The following PDLIM1 variants were observed in gnomAD, a reference collection of about 807,000 sequenced individuals.
PDLIM1 encodes PDZ and LIM domain 1, also known as PDZ and LIM domain protein 1.
Under a neutral mutation model 35.2 loss-of-function variants are expected in PDLIM1, and 25 were observed. The ratio of observed to expected loss-of-function variants is 0.71; its 90% CI spans 0.52 to 0.99. PDLIM1 has a LOEUF of 0.99. PDLIM1 is among the 50% of genes least tolerant of loss of function. The pLI, the probability that PDLIM1 is intolerant of heterozygous loss-of-function variation, is 0.00. For missense variants in PDLIM1, 363 were observed against 415.3 expected (o/e 0.87, Z 1.09); for synonymous variants, 152 against 154.0 (o/e 0.99, Z 0.10).
intron 5 of PDLIM1, among the ~76,000 whole-genome samples, chr10:95,242,451 C>A (rs2035186737): frequency 6.6e-6 from 1 of 151,978 alleles, no homozygotes; most frequent in Non-Finnish European, 1.5e-5. Flanking sequence ...CTTTGGAAGA[C>A]CAAGGCGGGC....
At chr10:95,270,782 G>C (rs750934329) in intron 2 of PDLIM1, among the ~76,000 whole-genome samples, 3 of 151,632 alleles carry the variant, frequency 2.0e-5, no homozygotes, top group Non-Finnish European at 4.4e-5. Context: ...ATGGAGTTTC[G>C]CTCTGTCGCC....
At chr10:95,276,355 G>C (rs2035511538) in intron 1 of PDLIM1, among the ~76,000 whole-genome samples, 1 of 151,900 alleles carries the variant, frequency 6.6e-6, no homozygotes, top group Non-Finnish European at 1.5e-5. Context: ...ATAGGACCTG[G>C]AGTGTCACAA....
In PDLIM1 at chr10:95,263,881, CA is replaced by C. The variant is rs777243197; in HGVS notation, c.515del (p.Val172GlyfsTer8). 14 of 1,612,964 alleles carry C rather than the reference CA, an allele frequency of 8.7e-6. No individual in the cohort carries two copies. The highest frequency in any genetic ancestry group is 1.1e-5 in the Non-Finnish European group (13 of 1,179,464). ...ALESKTAASG[V>X]EANSRPLDHA... ...CTACTTACGGTCTGCTGTTCGCCTC[CA>C]CCCCGCTGGCAGCAGTCTTTGACTC... is the stretch of plus-strand genomic sequence containing the variant. On this transcript the variant is annotated frameshift_variant, in exon 4 of 7. Transcript: ENST00000329399. LOFTEE classifies it high-confidence loss of function.
intron 1 of PDLIM1, among the ~76,000 whole-genome samples, chr10:95,284,939 C>T (rs1020985873): frequency 1.3e-5 from 2 of 152,218 alleles, no homozygotes; most frequent in Admixed American, 1.3e-4. Context: ...AATAATCACA[C>T]AGGGTGCTAA....
At chr10:95,247,426 A>G in intron 4 of PDLIM1, 60 bp from the exon 5 acceptor site, 1 of 1,382,004 alleles carries the variant, frequency 7.2e-7, no homozygotes, top group Non-Finnish European at 1.0e-6. Context: ...TAACTTCACC[A>G]GGAACCTCCT....
At chr10:95,248,751 G>C (rs1030517231) in intron 4 of PDLIM1, among the ~76,000 whole-genome samples, 22 of 152,192 alleles carry the variant, frequency 1.4e-4, no homozygotes, top group African/African-American at 5.1e-4. Flanking sequence ...TCCCCTGCCA[G>C]CCCTGGCCCA....
chr10:95,255,897 C>T (rs113725303), intron 4 of PDLIM1, among the ~76,000 whole-genome samples: 1 of 84,692 alleles, frequency 1.2e-5, no homozygotes, highest in African/African-American at 3.8e-5. Flanking sequence ...GATCCCCCCC[C>T]ACTACACACA....
chr10:95,279,992 A>G (rs79126036), intron 1 of PDLIM1, among the ~76,000 whole-genome samples: 9,699 of 152,284 alleles, frequency 0.064, 425 homozygotes, highest in South Asian at 0.19. Context: ...ATTTTTTAAA[A>G]TGTTCTTTTA....
intron 1 of PDLIM1, 148 bp from the exon 2 acceptor site, chr10:95,271,932 T>A: frequency 1.4e-6 from 1 of 704,684 alleles, no homozygotes; most frequent in Non-Finnish European, 2.3e-6. Context: ...ATCATTTATA[T>A]TATCATTGAC....
At chr10:95,279,163 T>C (rs568600812) in intron 1 of PDLIM1, among the ~76,000 whole-genome samples, 1 of 152,330 alleles carries the variant, frequency 6.6e-6, no homozygotes, top group Admixed American at 6.5e-5. Flanking sequence ...GATTCCCATA[T>C]GGCAACAATC....
chr10:95,267,654 T>A (rs2035427817), intron 3 of PDLIM1, among the ~76,000 whole-genome samples: 1 of 152,220 alleles, frequency 6.6e-6, no homozygotes, highest in Non-Finnish European at 1.5e-5. Context: ...TTTAATGGAT[T>A]CTATTTGAGA....
intron 3 of PDLIM1, among the ~76,000 whole-genome samples, chr10:95,266,706 G>A (rs1354966925): frequency 1.3e-5 from 2 of 152,050 alleles, no homozygotes; most frequent in Non-Finnish European, 2.9e-5. Flanking sequence ...GGAAGTCAAT[G>A]GAAAATTCAG....
At chr10:95,262,692 G>C (rs554606826) in intron 4 of PDLIM1, among the ~76,000 whole-genome samples, 1 of 148,980 alleles carries the variant, frequency 6.7e-6, no homozygotes, top group East Asian at 2.0e-4. Flanking sequence ...TCCTAACCTA[G>C]TCCACCCACT....
chr10:95,290,920 C>A lies in PDLIM1; in HGVS notation c.-5G>T. 1.3e-6 allele frequency: 2 copies of A among 1,537,364 alleles called. No individual in the cohort carries two copies. The highest frequency in any genetic ancestry group is 1.2e-5 in the South Asian group (1 of 83,830). On this transcript the variant is annotated 5_prime_UTR_variant, in exon 1 of 7. Transcript: ENST00000329399. The surrounding 1 kb of genome is among the most constrained non-coding windows in gnomAD (Gnocchi z 4.7). ...GTCTATCTGCTGGGTGGTCATGGCG[C>A]GGCTGTGGCGGGCGACGACCCGCGG...
At chr10:95,275,703 C>T (rs914981571) in intron 1 of PDLIM1, among the ~76,000 whole-genome samples, 2 of 152,110 alleles carry the variant, frequency 1.3e-5, no homozygotes, top group Admixed American at 1.3e-4. Flanking sequence ...AAGAAGTTTC[C>T]TTTCACTTTT....
chr10:95,238,978 C>CT (rs762624245), intron 5 of PDLIM1: 4 of 266,190 alleles, frequency 1.5e-5, no homozygotes, highest in Non-Finnish European at 2.2e-5. Context: ...TATTACAAGG[C>CT]TACAGTAATC....
intron 4 of PDLIM1, among the ~76,000 whole-genome samples, chr10:95,254,517 A>G (rs2035293998): frequency 6.6e-6 from 1 of 152,250 alleles, no homozygotes; most frequent in Admixed American, 6.5e-5. Flanking sequence ...TAGAACTGAA[A>G]GGAAAAGAGA....
At chr10:95,257,842 C>T (rs1048599353) in intron 4 of PDLIM1, among the ~76,000 whole-genome samples, 1 of 152,166 alleles carries the variant, frequency 6.6e-6, no homozygotes, top group Non-Finnish European at 1.5e-5. Flanking sequence ...TATTTGCTCA[C>T]CCATGTTCAT....
intron 4 of PDLIM1, among the ~76,000 whole-genome samples, chr10:95,262,306 T>C (rs986086773): frequency 2.0e-4 from 30 of 152,150 alleles, no homozygotes; most frequent in Non-Finnish European, 1.3e-4. Flanking sequence ...TAAAGGTGAA[T>C]TGGGGAGAAA....
Sources: gnomAD v4.1 joint callset for allele counts (sites outside exome capture counted in the v4.1 genomes callset) on GRCh38, gnomAD v4.1.1 for gene constraint, Gnocchi (gnomAD v3.1) non-coding constraint, MANE v1.5 for transcripts, NCBI Gene and HGNC (gene_info 2026-07-23, HGNC 2026-07-21) for gene names.